UBA6: variants seen among roughly 807,000 people sequenced by gnomAD.
UBA6 encodes ubiquitin-like modifier-activating enzyme 6.
Under a neutral mutation model 148.3 loss-of-function variants are expected in UBA6, and 87 were observed. That is an observed-to-expected ratio of 0.59 (90% CI 0.49 to 0.70). The LOEUF (loss-of-function observed/expected upper bound fraction) is 0.70. Ranked by LOEUF, UBA6 falls within the 30% of genes least tolerant of loss-of-function variation. The pLI is 0.00. For synonymous variants in UBA6, 376 were observed against 401.0 expected, an observed-to-expected ratio of 0.94 and a Z score of 0.75; for missense variants, 1,186 against 1,241.2, an observed-to-expected ratio of 0.96 and a Z score of 0.67.
intron 13 of UBA6, 23 bp downstream of exon 13, chr4:67,662,166 C>T (rs1311434534): frequency 1.2e-6 from 2 of 1,606,918 alleles, no homozygotes; most frequent in Non-Finnish European, 1.7e-6. Context: ...AATATTCGGA[C>T]AGCCATAAAT....
intron 6 of UBA6, among the ~76,000 whole-genome samples, chr4:67,677,271 GGAGTTTAATCCAGGCT>G (rs1730304390): frequency 6.6e-6 from 1 of 152,090 alleles, no homozygotes; most frequent in Admixed American, 6.6e-5. Flanking sequence ...CCCAAACTCT[GGAGTTTAATCCAGGCT>G]GAGTTCAGCC....
chr4:67,639,596 T>C (rs1421693141), intron 18 of UBA6, among the ~76,000 whole-genome samples: 1 of 152,144 alleles, frequency 6.6e-6, no homozygotes, highest in Non-Finnish European at 1.5e-5. Context: ...GGAAATATTT[T>C]CAGAAATTAT....
intron 32 of UBA6, among the ~76,000 whole-genome samples, chr4:67,622,376 T>C (rs1728770702): frequency 6.6e-6 from 1 of 152,200 alleles, no homozygotes; most frequent in African/African-American, 2.4e-5. Context: ...TAATACTTAC[T>C]ATCACCTAAC....
chr4:67,686,259 T>A (rs1022460581), intron 2 of UBA6, among the ~76,000 whole-genome samples: 1 of 152,132 alleles, frequency 6.6e-6, no homozygotes, highest in Non-Finnish European at 1.5e-5. Flanking sequence ...GTAACACCCC[T>A]CCAAACATTT....
intron 10 of UBA6, among the ~76,000 whole-genome samples, chr4:67,664,676 GT>G (rs1439028798): frequency 3.3e-5 from 5 of 151,858 alleles, no homozygotes; most frequent in Non-Finnish European, 7.4e-5. Flanking sequence ...AATGCCAGTC[GT>G]TTTTAGAAAT....
chr4:67,658,530 C>G (rs1396454098), intron 13 of UBA6, among the ~76,000 whole-genome samples: 2 of 152,094 alleles, frequency 1.3e-5, no homozygotes, highest in African/African-American at 4.8e-5. Flanking sequence ...AGGGGAACAA[C>G]ACGCACTGGG....
chr4:67,699,092 G>A (rs141780153), intron 1 of UBA6, among the ~76,000 whole-genome samples: 379 of 152,196 alleles, frequency 2.5e-3, no homozygotes, highest in African/African-American at 8.8e-3. Context: ...AGCAGTGCTC[G>A]TCCCATTTTC....
rs769649769 is a variant in UBA6, at chr4:67,694,215, C to CAAAAAAAAAAAAAAAAAAAAAAAAAA, written c.134+2404_134+2429dup. On this transcript the variant is annotated intron_variant, in intron 2 of 32. Coordinates refer to ENST00000322244, the MANE Select transcript of UBA6 (RefSeq NM_018227.6). ...TGGATGACAGAGCAAGACTCCATCT[C>CAAAAAAAAAAAAAAAAAAAAAAAAAA]AAAAAAAAAAAAAAAAAAAAAAAAA... Among the ~76,000 whole-genome samples the CAAAAAAAAAAAAAAAAAAAAAAAAAA allele has an allele frequency of 9.6e-5, 4 of 41,852 alleles. 1 individual carries two copies. Among genetic ancestry groups the CAAAAAAAAAAAAAAAAAAAAAAAAAA allele is most frequent in the Non-Finnish European group, 1.6e-4 (4 of 24,842 alleles). 27.5% of individuals were successfully genotyped at this position (41,852 alleles called of 152,430 possible).
chr4:67,614,198 T>C lies in UBA6; in HGVS notation c.*4799A>G, dbSNP rs1728585183. ...CGACCAATTGTCAACCAGAAAATGT[T>C]TTAAATTAACCTATACCCTGGAAGC... On this transcript the variant is annotated 3_prime_UTR_variant, in exon 33 of 33. Coordinates refer to ENST00000322244, the MANE Select transcript of UBA6 (RefSeq NM_018227.6). 6.6e-6 allele frequency: 1 copy of C among 152,222 alleles called. No individual in the cohort carries two copies. The highest frequency in any genetic ancestry group is 6.5e-5 in the Admixed American group (1 of 15,278). 9.4% of individuals were successfully genotyped at this position (152,222 alleles called of 1,614,324 possible). A position where few individuals can be genotyped will look rare whatever the true frequency, so the allele number is the denominator to read the frequency against.
At position 67,634,315 on chromosome 4, in the gene UBA6, C is replaced by T; in HGVS notation, c.1940G>A (p.Ser647Asn). The T allele has an allele frequency of 1.9e-6, 3 of 1,590,220 alleles. No homozygotes were observed. Among genetic ancestry groups the T allele is most frequent in the Non-Finnish European group, 2.6e-6 (3 of 1,173,534 alleles). ...TIQWARDKFESSFSHKPSLFN... is the reference protein window; with the variant it reads ...TIQWARDKFENSFSHKPSLFN... ...CAATGAAGGTTTGTGGGAAAAGGAA[C>T]TTTCAAACTGTAACAGAGAAAAGAA... is the stretch of plus-strand genomic sequence containing the variant. The change falls in exon 22 of 33, where the codon AGT becomes AAT. Residue 647 changes from serine (S) to asparagine (N), a missense_variant. Ser to Asn is a conservative substitution (Grantham distance 46, BLOSUM62 1). Coordinates refer to ENST00000322244, the MANE Select transcript of UBA6 (RefSeq NM_018227.6).
At chr4:67,680,963 A>G (rs1321047182) in intron 4 of UBA6, among the ~76,000 whole-genome samples, 1 of 152,156 alleles carries the variant, frequency 6.6e-6, no homozygotes, top group Non-Finnish European at 1.5e-5. Context: ...CAGCTTGGGA[A>G]GCAGATCCTT....
intron 1 of UBA6, among the ~76,000 whole-genome samples, chr4:67,699,859 C>A (rs553448279): frequency 6.6e-6 from 1 of 152,338 alleles, no homozygotes; most frequent in African/African-American, 2.4e-5. Context: ...CTGCTTCGAC[C>A]TCCCAAAGCG....
intron 2 of UBA6, among the ~76,000 whole-genome samples, chr4:67,689,188 T>C (rs931789332): frequency 3.9e-5 from 6 of 152,184 alleles, no homozygotes; most frequent in South Asian, 2.1e-4. Flanking sequence ...TATAGGCTAA[T>C]GTAAGTGTTC....
At chr4:67,679,294 C>T (rs1037927654) in intron 4 of UBA6, among the ~76,000 whole-genome samples, 1 of 151,848 alleles carries the variant, frequency 6.6e-6, no homozygotes, top group African/African-American at 2.4e-5. Flanking sequence ...AAGACAGTAA[C>T]CTAATAAGTG....
In UBA6 at chr4:67,614,816, AAG is replaced by A. The variant is rs1728596287; in HGVS notation, c.*4179_*4180del. The A allele has an allele frequency of 6.6e-6, 1 of 152,186 alleles. No individual in the cohort carries two copies. Among genetic ancestry groups the A allele is most frequent in the African/African-American group, 2.4e-5 (1 of 41,456 alleles). 9.4% of individuals were successfully genotyped at this position (152,186 alleles called of 1,614,324 possible). ...GATATTGGCAACTATACAGCCAACAAAGAATAAGATTTATAAAGATCCTTTAT... is the reference window on the plus strand; with the variant it reads ...GATATTGGCAACTATACAGCCAACAAAATAAGATTTATAAAGATCCTTTAT... On this transcript the variant is annotated 3_prime_UTR_variant, in exon 33 of 33. Coordinates refer to ENST00000322244, the MANE Select transcript of UBA6 (RefSeq NM_018227.6).
chr4:67,693,709 T>G (rs1042207694), intron 2 of UBA6, among the ~76,000 whole-genome samples: 4 of 152,212 alleles, frequency 2.6e-5, no homozygotes, highest in Non-Finnish European at 4.4e-5. Flanking sequence ...GTCGGAACTG[T>G]GGCTGTGTGA....
chr4:67,692,828 A>G (rs757652635), intron 2 of UBA6, among the ~76,000 whole-genome samples: 3 of 152,206 alleles, frequency 2.0e-5, no homozygotes, highest in Non-Finnish European at 4.4e-5. Flanking sequence ...GAACCCCAAG[A>G]AAGAGAACAT....
Position 67,623,181 on chromosome 4 carries a change from T to A in UBA6, c.2882A>T (p.His961Leu). 6.2e-7 allele frequency: 1 copy of A among 1,613,120 alleles called. No homozygotes were observed. Among genetic ancestry groups the A allele is most frequent in the Non-Finnish European group, 8.5e-7 (1 of 1,179,360 alleles). Reference protein sequence around the residue: ...SFTIWDRWTVHGKEDFTLLDF... With the variant: ...SFTIWDRWTVLGKEDFTLLDF... ...CAAGAGGGTGAAATCTTCTTTTCCA[T>A]GTACGGTCCATCGATCCCAAATTGT... Residue 961 changes from histidine to leucine, a missense_variant, in exon 31 of 33, where the codon CAT becomes CTT. Physicochemically the swap from His to Leu is moderately conservative, Grantham distance 99. Transcript: ENST00000322244.
At chr4:67,689,933 T>C (rs768425461) in intron 2 of UBA6, among the ~76,000 whole-genome samples, 2 of 152,088 alleles carry the variant, frequency 1.3e-5, no homozygotes, top group Non-Finnish European at 2.9e-5. Context: ...AGAGTTGACA[T>C]ACATGTGAAC....
Sources: gnomAD v4.1 joint callset for allele counts (sites outside exome capture counted in the v4.1 genomes callset) on GRCh38, gnomAD v4.1.1 for gene constraint, MANE v1.5 for transcripts, NCBI Gene and HGNC (gene_info 2026-07-23, HGNC 2026-07-21) for gene names.